FLRT3: variants seen among roughly 807,000 people sequenced by gnomAD.
The protein encoded by FLRT3 is fibronectin leucine rich transmembrane protein 3.
Under a neutral mutation model 42.6 loss-of-function variants are expected in FLRT3, and 17 were observed. The observed-to-expected ratio is 0.40, with a 90% CI of 0.27 to 0.60. FLRT3 has a LOEUF of 0.60. Among genes scored for constraint, FLRT3 ranks in the 20% least tolerant of loss-of-function variants. The probability of loss-of-function intolerance (pLI) is 0.44; values close to 1 mark genes in which losing one functional copy is unlikely to be tolerated. For missense variants in FLRT3, 635 were observed against 789.2 expected (o/e 0.80, Z 2.34); for synonymous variants, 279 against 286.4 (o/e 0.97, Z 0.26).
In FLRT3 at chr20:14,325,532, C is replaced by T. The variant is rs1044874250; in HGVS notation, c.*25G>A. 6.3e-7 allele frequency: 1 copy of T among 1,576,208 alleles called. No homozygotes were observed. The highest frequency in any genetic ancestry group is 8.6e-7 in the Non-Finnish European group (1 of 1,161,866). On this transcript the variant is annotated 3_prime_UTR_variant, in exon 3 of 3. Transcript: ENST00000341420. ...CCTTAGGTTTAAAAAACCCAAAACA[C>T]AAGTCTGCTGTGAGTCCTTCAGCAT...
intron 2 of FLRT3, among the ~76,000 whole-genome samples, chr20:14,328,403 C>CACAGTGCATTT: frequency 6.6e-6 from 1 of 152,050 alleles, no homozygotes; most frequent in East Asian, 1.9e-4. Flanking sequence ...AACGTGTTGT[C>CACAGTGCATTT]ACAGTGCATT....
Position 14,327,149 on chromosome 20 carries a change from T to C in FLRT3, c.358A>G (p.Thr120Ala), listed in dbSNP as rs758243360. ...HLQENNIRTI[T>A]YDSLSKIPYL... ...GGAATTTTTGAAAGTGAATCATAAG[T>C]GATAGTCCTTATGTTATTTTCTTGC... Residue 120 changes from threonine (T) to alanine (A), a missense_variant, in exon 3 of 3, where the codon ACT becomes GCT. Coordinates refer to ENST00000341420, the MANE Select transcript of FLRT3 (RefSeq NM_198391.3). The C allele has an allele frequency of 2.5e-6, 4 of 1,613,722 alleles. No individual in the cohort carries two copies. The highest frequency in any genetic ancestry group is 3.4e-6 in the Non-Finnish European group (4 of 1,179,732).
chr20:14,330,336 C>G (rs1457737135), intron 1 of FLRT3, among the ~76,000 whole-genome samples: 1 of 151,984 alleles, frequency 6.6e-6, no homozygotes, highest in African/African-American at 2.4e-5. Context: ...GTCATCCACT[C>G]TGATACTTTG....
intron 1 of FLRT3, among the ~76,000 whole-genome samples, chr20:14,331,309 G>A (rs942322132): frequency 2.5e-4 from 38 of 152,120 alleles, no homozygotes; most frequent in African/African-American, 8.2e-4. Context: ...CCCAGAGAAT[G>A]AAAGAGTTCT....
chr20:14,324,498 A>C lies in FLRT3; in HGVS notation c.*1059T>G, dbSNP rs1472597462. 1.3e-5 allele frequency: 2 copies of C among 152,604 alleles called. No individual in the cohort carries two copies. Among genetic ancestry groups the C allele is most frequent in the African/African-American group, 2.4e-5 (1 of 41,458 alleles). The allele number at this position is 152,604 out of a possible 1,614,324, so 9.5% of individuals were successfully genotyped here. On this transcript the variant is annotated 3_prime_UTR_variant, in exon 3 of 3. Transcript: ENST00000341420. ...AGTGTTAAAACCTTTGACATAAACC[A>C]GATCTAAATTTGATGTCTAGTATTT... is the stretch of plus-strand genomic sequence containing the variant.
In FLRT3 at chr20:14,337,489, C is replaced by G. The variant is rs1246367446; in HGVS notation, c.-332G>C. 1 of 398,184 alleles carries G rather than the reference C, an allele frequency of 2.5e-6. No individual in the cohort carries two copies. The highest frequency in any genetic ancestry group is 4.4e-6 in the Non-Finnish European group (1 of 226,024). 24.7% of individuals were successfully genotyped at this position (398,184 alleles called of 1,614,324 possible). On this transcript the variant is annotated 5_prime_UTR_variant, in exon 1 of 3. Coordinates refer to ENST00000341420, the MANE Select transcript of FLRT3 (RefSeq NM_198391.3). ...AGTGAATTGGAGTAATAGCCCTCCCCCGTCTCCCAAGCTCTGCGTCCAGTC... is the reference window on the plus strand; with the variant it reads ...AGTGAATTGGAGTAATAGCCCTCCCGCGTCTCCCAAGCTCTGCGTCCAGTC...
rs1283274264 is a variant in FLRT3, at chr20:14,326,540, G to A, written c.967C>T (p.Leu323=). ...MKWVRDWLQS[L]PVKVNVRGLM... ...CCACGCACGTTGACCTTCACAGGTA[G>A]TGATTGTAACCAGTCACGTACCCAT... The change falls in exon 3 of 3, where the codon CTA becomes TTA. Residue 323 remains leucine, a synonymous_variant. Transcript: ENST00000341420. This position sits in a 1 kb window ranked among gnomAD's most constrained non-coding sequence, Gnocchi z 5.5. The A allele has an allele frequency of 6.2e-7, 1 of 1,613,752 alleles. No individual in the cohort carries two copies. Among genetic ancestry groups the A allele is most frequent in the African/African-American group, 1.3e-5 (1 of 74,896 alleles).
chr20:14,325,304 CA>C lies in FLRT3; in HGVS notation c.*252del, dbSNP rs1405971499. 6.0e-6 allele frequency: 2 copies of C among 331,148 alleles called. No individual in the cohort carries two copies. Among genetic ancestry groups the C allele is most frequent in the East Asian group, 1.1e-4 (2 of 18,364 alleles). 20.5% of individuals were successfully genotyped at this position (331,148 alleles called of 1,614,324 possible). On this transcript the variant is annotated 3_prime_UTR_variant, in exon 3 of 3. Transcript: ENST00000341420. ...AACTCCAATATTTGCAAGGAAAATA[CA>C]GTACAAATTACTAAAAAATACTAAA...
intron 1 of FLRT3, among the ~76,000 whole-genome samples, chr20:14,334,199 T>G (rs2082895274): frequency 6.6e-6 from 1 of 152,212 alleles, no homozygotes; most frequent in South Asian, 2.1e-4. Context: ...TAACTCAAAG[T>G]TCTTTCTTAC....
chr20:14,334,485 T>C (rs1408533392), intron 1 of FLRT3, among the ~76,000 whole-genome samples: 2 of 152,158 alleles, frequency 1.3e-5, no homozygotes, highest in African/African-American at 4.8e-5. Context: ...TTAATATTGC[T>C]GAGAGATTTT....
Position 14,327,251 on chromosome 20 carries a change from C to T in FLRT3, c.256G>A (p.Glu86Lys). Residue 86 changes from glutamate (E) to lysine (K), a missense_variant, in exon 3 of 3, where the codon GAA (glutamate) becomes AAA (lysine). By Grantham distance (56) the Glu-to-Lys change is moderately conservative (BLOSUM62 1). Transcript: ENST00000341420. ...PSDLKNLLKVERIYLYHNSLD... is the reference protein window; with the variant it reads ...PSDLKNLLKVKRIYLYHNSLD... ...CTGTTGTGGTATAGGTATATTCTTT[C>T]TACTTTCAGCAAGTTTTTCAAATCT... The T allele has an allele frequency of 6.2e-7, 1 of 1,613,748 alleles. No individual in the cohort carries two copies. The highest frequency in any genetic ancestry group is 1.1e-5 in the South Asian group (1 of 91,072).
chr20:14,337,343 G>T, intron 1 of FLRT3, 61 bp downstream of exon 1: 6 of 298,254 alleles, frequency 2.0e-5, no homozygotes, highest in East Asian at 5.1e-5. Flanking sequence ...TTTCTTTCTA[G>T]AGAGTAAAAC....
intron 1 of FLRT3, among the ~76,000 whole-genome samples, chr20:14,336,126 T>C (rs938640449): frequency 8.5e-5 from 13 of 152,168 alleles, no homozygotes; most frequent in South Asian, 2.1e-4. Context: ...GGTCAGGATA[T>C]TTTTATGCAG....
intron 1 of FLRT3, among the ~76,000 whole-genome samples, chr20:14,330,515 A>G (rs1226378915): frequency 6.6e-6 from 1 of 152,090 alleles, no homozygotes; most frequent in Non-Finnish European, 1.5e-5. Context: ...ATAAGGCCAC[A>G]ATTTGTGTTT....
chr20:14,334,147 T>C (rs1329905991), intron 1 of FLRT3, among the ~76,000 whole-genome samples: 4 of 152,236 alleles, frequency 2.6e-5, no homozygotes, highest in African/African-American at 9.6e-5. Context: ...TTCTATTGCT[T>C]TCTACTTAAA....
At position 14,327,082 on chromosome 20, in the gene FLRT3, G is replaced by A. The variant is rs773437575; in HGVS notation, c.425C>T (p.Ala142Val). 1 of 1,613,768 alleles carries A rather than the reference G, an allele frequency of 6.2e-7. No homozygotes were observed. Among genetic ancestry groups the A allele is most frequent in the Non-Finnish European group, 8.5e-7 (1 of 1,179,778 alleles). Residue 142 changes from alanine to valine, a missense_variant, in exon 3 of 3, where the codon GCA becomes GTA. Ala to Val is a moderately conservative substitution (Grantham distance 64). Transcript: ENST00000341420. ...GAATGCTCCCTCTTCTATGCTAACT[G>A]CAGAGACAGAGTTGTCATCTAAATG... ...ELHLDDNSVS[A>V]VSIEEGAFRD...
At position 14,325,497 on chromosome 20, in the gene FLRT3, C is replaced by T; in HGVS notation, c.*60G>A. ...GTTTTGCAGTAGAACAGGGTTCCTACCATCACCTCCCTTAGGTTTAAAAAA... is the reference window on the plus strand; with the variant it reads ...GTTTTGCAGTAGAACAGGGTTCCTATCATCACCTCCCTTAGGTTTAAAAAA... On this transcript the variant is annotated 3_prime_UTR_variant, in exon 3 of 3. Transcript: ENST00000341420. The T allele has an allele frequency of 6.6e-7, 1 of 1,526,522 alleles. No homozygotes were observed. The allele number at this position is 1,526,522 out of a possible 1,614,324, so 94.6% of individuals were successfully genotyped here.
chr20:14,334,332 AG>A (rs1200322349), intron 1 of FLRT3, among the ~76,000 whole-genome samples: 1 of 152,198 alleles, frequency 6.6e-6, no homozygotes, highest in Non-Finnish European at 1.5e-5. Flanking sequence ...TTTTCTTAAG[AG>A]GAAGAATGCT....
At position 14,326,436 on chromosome 20, in the gene FLRT3, G is replaced by A. The variant is rs376427607; in HGVS notation, c.1071C>T (p.Asp357=). The A allele has an allele frequency of 1.9e-6, 3 of 1,613,732 alleles. No homozygotes were observed. The African/African-American group carries it at 4.0e-5, about 22-fold the overall frequency. ...DLNAELFDCK[D]SGIVSTIQIT... is the part of the protein sequence containing the mutation. ...TCTGAATGGTGCTTACAATCCCACT[G>A]TCCTTACAATCAAACAGTTCTGCAT... The change falls in exon 3 of 3, where the codon GAC becomes GAT. Residue 357 remains aspartate (D), a synonymous_variant. Transcript: ENST00000341420. This position sits in a 1 kb window ranked among gnomAD's most constrained non-coding sequence, Gnocchi z 5.5.
Sources: gnomAD v4.1 joint callset for allele counts (sites outside exome capture counted in the v4.1 genomes callset) on GRCh38, gnomAD v4.1.1 for gene constraint, Gnocchi (gnomAD v3.1) non-coding constraint, MANE v1.5 for transcripts, NCBI Gene and HGNC (gene_info 2026-07-23, HGNC 2026-07-21) for gene names.